The following KNTC1 variants were observed in gnomAD, a reference collection of about 807,000 sequenced individuals.
KNTC1 encodes kinetochore associated 1.
A neutral mutation model predicts 314.4 loss-of-function variants in KNTC1; 253 were observed. That is an observed-to-expected ratio of 0.80 (90% CI 0.73 to 0.89). The LOEUF is 0.89. Ranked by LOEUF, KNTC1 falls within the 40% of genes least tolerant of loss-of-function variation. KNTC1 has a pLI of 0.00. For synonymous variants in KNTC1, 901 were observed against 901.4 expected, an observed-to-expected ratio of 1.00 and a Z score of 0.01; for missense variants, 2,475 against 2,572.9, an observed-to-expected ratio of 0.96 and a Z score of 0.82.
intron 1 of KNTC1, among the ~76,000 whole-genome samples, chr12:122,528,864 G>A (rs544499475): frequency 3.7e-5 from 5 of 135,390 alleles, no homozygotes; most frequent in African/African-American, 6.2e-5. Flanking sequence ...TTTCCAAGAC[G>A]GAGTTTCACT....
At chr12:122,578,455 C>T (rs1965176813) in intron 31 of KNTC1, among the ~76,000 whole-genome samples, 1 of 151,808 alleles carries the variant, frequency 6.6e-6, no homozygotes, top group African/African-American at 2.4e-5. Context: ...AAGAGTCTTG[C>T]TCTGTTGCTC....
chr12:122,616,515 C>T (rs1025141274), intron 57 of KNTC1, among the ~76,000 whole-genome samples: 1 of 152,200 alleles, frequency 6.6e-6, no homozygotes, highest in Admixed American at 6.5e-5. Flanking sequence ...CCTGCCTCGG[C>T]CTCCCAAAGT....
chr12:122,575,798 A>G lies in KNTC1; in HGVS notation c.2487-2A>G. The G allele has an allele frequency of 6.2e-7, 1 of 1,611,388 alleles. No homozygotes were observed. Among genetic ancestry groups the G allele is most frequent in the Non-Finnish European group, 8.5e-7 (1 of 1,178,398 alleles). On this transcript the variant is annotated splice_acceptor_variant, in intron 28 of 63. Coordinates refer to ENST00000333479, the MANE Select transcript of KNTC1 (RefSeq NM_014708.6). LOFTEE classifies it high-confidence loss of function. The stretch of plus-strand genomic sequence containing the variant: ...TGTTAATATGGGTAAATTTGCTTTC[A>G]GAGTCAAGTTATTACAGGAAAGTTA...
rs1240708504 is a variant in KNTC1 at position 122,580,611 on chromosome 12, CAGA to C, written c.2929_2931del (p.Lys977del). ...TAAAAATTTAATTACAGACAATCTG[CAGA>C]AGAAGGACGAATGTGAAGAAATGTT... On this transcript the variant is annotated inframe_deletion, in exon 33 of 64. Coordinates refer to ENST00000333479, the MANE Select transcript of KNTC1 (RefSeq NM_014708.6). The C allele has an allele frequency of 2.6e-6, 4 of 1,560,014 alleles. No individual in the cohort carries two copies. The highest frequency in any genetic ancestry group is 1.7e-4 in the Middle Eastern group (1 of 5,988).
rs1186351648 is a variant in KNTC1, at chr12:122,574,457, G to A, written c.2382+77G>A. 3.5e-6 allele frequency: 3 copies of A among 865,910 alleles called. No individual in the cohort carries two copies. The African/African-American group carries it at 5.1e-5, about 15-fold the overall frequency. 53.6% of individuals were successfully genotyped at this position (865,910 alleles called of 1,614,324 possible). A position where few individuals can be genotyped will look rare whatever the true frequency, so the allele number is the denominator to read the frequency against. ...TGAAAGCTTTTTTCTGTTCATAAAA[G>A]CGACATATATTTGTTTTTGTTTGAG... is the stretch of plus-strand genomic sequence containing the variant. On this transcript the variant is annotated intron_variant, in intron 27 of 63. Coordinates refer to ENST00000333479, the MANE Select transcript of KNTC1 (RefSeq NM_014708.6).
Position 122,572,988 on chromosome 12 carries a change from A to G in KNTC1, c.2071A>G (p.Asn691Asp). 4 of 1,607,746 alleles carry G rather than the reference A, an allele frequency of 2.5e-6. No individual in the cohort carries two copies. The highest frequency in any genetic ancestry group is 3.4e-6 in the Non-Finnish European group (4 of 1,176,218). ...EVCQLRTLVNNLRELITLHRK... is the reference protein window; with the variant it reads ...EVCQLRTLVNDLRELITLHRK... Reference sequence around the variant, plus strand: ...ATGTCAGCTAAGGACTTTGGTAAATAACTTGCGAGAGTTGATCACGTTGCA... The same window carrying G: ...ATGTCAGCTAAGGACTTTGGTAAATGACTTGCGAGAGTTGATCACGTTGCA... Residue 691 changes from asparagine to aspartate, a missense_variant, in exon 25 of 64, where the codon AAC becomes GAC. Asn to Asp is a conservative substitution (Grantham distance 23, BLOSUM62 1). Coordinates refer to ENST00000333479, the MANE Select transcript of KNTC1 (RefSeq NM_014708.6).
rs774019143 is a variant in KNTC1 at position 122,591,374 on chromosome 12, A to G, written c.4166A>G (p.Tyr1389Cys). 14 of 1,611,662 alleles carry G rather than the reference A, an allele frequency of 8.7e-6. No homozygotes were observed. The highest frequency in any genetic ancestry group is 1.6e-4 in the Middle Eastern group (1 of 6,070). ...GTGGGCTCTGAGCTGGCAAGTCTCTATCAGGAAATAGAAATGGGGCTTAAG... is the reference window on the plus strand; with the variant it reads ...GTGGGCTCTGAGCTGGCAAGTCTCTGTCAGGAAATAGAAATGGGGCTTAAG... ...SLVGSELASL[Y>C]QEIEMGLKFR... Residue 1389 changes from tyrosine (Y) to cysteine (C), a missense_variant, in exon 42 of 64, where the codon TAT (tyrosine) becomes TGT (cysteine). Physicochemically the swap from Tyr to Cys is radical, Grantham distance 194. Coordinates refer to ENST00000333479, the MANE Select transcript of KNTC1 (RefSeq NM_014708.6).
intron 6 of KNTC1, among the ~76,000 whole-genome samples, chr12:122,543,160 G>A (rs1004326761): frequency 9.2e-5 from 14 of 152,150 alleles, no homozygotes; most frequent in African/African-American, 3.1e-4. Context: ...TGATTTGCCC[G>A]TCTTGGCCTC....
intron 58 of KNTC1, 23 bp downstream of exon 58, chr12:122,618,420 G>A (rs1874010300): frequency 1.9e-6 from 3 of 1,613,262 alleles, no homozygotes; most frequent in Non-Finnish European, 2.5e-6. Flanking sequence ...CTGAAACATT[G>A]GCTACAGCAT....
At chr12:122,617,858 A>G (rs1345340688) in intron 57 of KNTC1, among the ~76,000 whole-genome samples, 1 of 152,212 alleles carries the variant, frequency 6.6e-6, no homozygotes, top group East Asian at 1.9e-4. Context: ...ATAGCGATTT[A>G]TCTAATTTTT....
intron 3 of KNTC1, among the ~76,000 whole-genome samples, chr12:122,537,593 T>G (rs1184715451): frequency 2.0e-5 from 3 of 151,940 alleles, no homozygotes; most frequent in African/African-American, 7.3e-5. Context: ...TAATTTTATA[T>G]TTTTAGTAGA....
At position 122,573,149 on chromosome 12, in the gene KNTC1, C is replaced by A. The variant is rs759309380; in HGVS notation, c.2147C>A (p.Thr716Lys). 17 of 1,613,666 alleles carry A rather than the reference C, an allele frequency of 1.1e-5. No homozygotes were observed. Among genetic ancestry groups the A allele is most frequent in the Non-Finnish European group, 1.4e-5 (16 of 1,179,840 alleles). ...LALSDFEKEN[T>K]TTIVFRMFDK... ...CTTTCTTTTGGCATCCAGGAAAATACAACCACCATAGTGTTCCGAATGTTT... is the reference window on the plus strand; with the variant it reads ...CTTTCTTTTGGCATCCAGGAAAATAAAACCACCATAGTGTTCCGAATGTTT... The change falls in exon 26 of 64, where the codon ACA becomes AAA. Residue 716 changes from threonine to lysine, a missense_variant. By Grantham distance (78) the Thr-to-Lys change is moderately conservative. Transcript: ENST00000333479.
chr12:122,550,648 G>A (rs1963134239), intron 13 of KNTC1, among the ~76,000 whole-genome samples: 1 of 152,048 alleles, frequency 6.6e-6, no homozygotes, highest in African/African-American at 2.4e-5. Flanking sequence ...GACTACAGGT[G>A]TGCACCACCA....
At chr12:122,584,814 G>A (rs1868994935) in intron 35 of KNTC1, 79 bp from the exon 36 acceptor site, 1 of 742,762 alleles carries the variant, frequency 1.3e-6, no homozygotes, top group African/African-American at 1.8e-5. Flanking sequence ...AATTTTAAAT[G>A]GTAATTATTA....
In KNTC1 at chr12:122,539,697, G is replaced by T. The variant is rs745774687; in HGVS notation, c.388G>T (p.Asp130Tyr). Residue 130 changes from aspartate (D) to tyrosine (Y), a missense_variant, in exon 5 of 64, where the codon GAT (aspartate) becomes TAT (tyrosine). Coordinates refer to ENST00000333479, the MANE Select transcript of KNTC1 (RefSeq NM_014708.6). ...TTAGGCATTTGTTCAGAAAGCTAAC[G>T]ATGAAAATCGGCGGACTTACCAGAA... ...LTNAFVQKAN[D>Y]ENRRTYQNLV... 3 of 1,578,190 alleles carry T rather than the reference G, an allele frequency of 1.9e-6. No homozygotes were observed. The African/African-American group carries it at 4.1e-5, about 21-fold the overall frequency.
rs756846072 is a variant in KNTC1, at chr12:122,604,563, G to T, written c.5102-1G>T. ...TTTATTTATTTATTTATTTATTTTA[G>T]GTTCCTTCAAGATATCTGCTTTGAA... On this transcript the variant is annotated splice_acceptor_variant, in intron 48 of 63. Transcript: ENST00000333479. LOFTEE classifies it high-confidence loss of function. 2.9e-6 allele frequency: 4 copies of T among 1,389,214 alleles called. No individual in the cohort carries two copies. In the East Asian group the frequency reaches 9.2e-5, roughly 32 times the overall value. 86.1% of individuals were successfully genotyped at this position (1,389,214 alleles called of 1,614,324 possible). A position where few individuals can be genotyped will look rare whatever the true frequency, so the allele number is the denominator to read the frequency against.
At chr12:122,530,293 T>C in intron 2 of KNTC1, 101 bp downstream of exon 2, 1 of 965,076 alleles carries the variant, frequency 1.0e-6, no homozygotes, top group Non-Finnish European at 1.5e-6. Context: ...AACATAGCAC[T>C]TCCTCAGGGA....
intron 20 of KNTC1, chr12:122,563,617 G>A (rs556299087): frequency 2.5e-5 from 11 of 444,100 alleles, no homozygotes; most frequent in African/African-American, 1.7e-4. Flanking sequence ...TTTTTTCACT[G>A]CGCCACCCTA....
rs1874481921 is a variant in KNTC1 at position 122,621,918 on chromosome 12, A to G, written c.6317A>G (p.Lys2106Arg). Residue 2106 changes from lysine to arginine, a missense_variant, in exon 61 of 64, where the codon AAG becomes AGG. Coordinates refer to ENST00000333479, the MANE Select transcript of KNTC1 (RefSeq NM_014708.6). ...TCCTGTGACCCTCAGGTTATTTTAA[A>G]GCAATTGGAAGAGCATATGAACACG... is the stretch of plus-strand genomic sequence containing the variant. ...LGSCDPQVIL[K>R]QLEEHMNTGQ... 1.2e-6 allele frequency: 2 copies of G among 1,608,924 alleles called. No homozygotes were observed. The highest frequency in any genetic ancestry group is 8.5e-7 in the Non-Finnish European group (1 of 1,177,620).
Sources: allele counts gnomAD v4.1 joint callset (sites outside exome capture counted in the v4.1 genomes callset), GRCh38; gene constraint gnomAD v4.1.1; transcripts MANE v1.5; gene names NCBI Gene and HGNC (gene_info 2026-07-23, HGNC 2026-07-21).